The following AUTS2 variants were observed in gnomAD, a reference collection of about 807,000 sequenced individuals.
AUTS2 encodes autism susceptibility gene 2 protein.
AUTS2 carries 17 observed loss-of-function variants against 112.4 expected under a neutral mutation model. The ratio of observed to expected loss-of-function variants is 0.15; its 90% CI spans 0.10 to 0.23. The LOEUF (loss-of-function observed/expected upper bound fraction) is 0.23, where lower values mean the gene tolerates loss of function less well. Among genes scored for constraint, AUTS2 ranks in the 10% least tolerant of loss-of-function variants. The probability of loss-of-function intolerance (pLI) is 1.00; values close to 1 mark genes in which losing one functional copy is unlikely to be tolerated. For missense variants in AUTS2, 1,510 were observed against 1,701.6 expected, an observed-to-expected ratio of 0.89 and a Z score of 1.98; for synonymous variants, 751 against 702.7, an observed-to-expected ratio of 1.07 and a Z score of -1.09.
At chr7:69,627,336 A>G (rs1023624661) in intron 1 of AUTS2, among the ~76,000 whole-genome samples, 5 of 152,124 alleles carry the variant, frequency 3.3e-5, no homozygotes, top group African/African-American at 9.7e-5. Flanking sequence ...TATTAAAAAT[A>G]CAAAATTAGC....
At chr7:69,769,310 A>G (rs902892903) in intron 1 of AUTS2, among the ~76,000 whole-genome samples, 1 of 152,152 alleles carries the variant, frequency 6.6e-6, no homozygotes, top group Admixed American at 6.5e-5. Context: ...TTTAGTGAAT[A>G]TTTCTTAGTG....
chr7:70,247,442 G>A (rs981565017), intron 4 of AUTS2, among the ~76,000 whole-genome samples: 3 of 152,116 alleles, frequency 2.0e-5, no homozygotes, highest in Admixed American at 1.3e-4. Flanking sequence ...GAGCTGGATG[G>A]TGGTGATAAT....
intron 5 of AUTS2, among the ~76,000 whole-genome samples, chr7:70,671,286 A>G (rs1157167880): frequency 6.6e-6 from 1 of 152,240 alleles, no homozygotes; most frequent in Non-Finnish European, 1.5e-5. Flanking sequence ...CTGGGTATTC[A>G]GTGGGCAGCC....
rs759800544 is a variant in AUTS2, at chr7:70,762,874, G to A, written c.747G>A (p.Pro249=). Residue 249 remains proline, a synonymous_variant, in exon 7 of 19, where the codon CCG becomes CCA. Coordinates refer to ENST00000342771, the MANE Select transcript of AUTS2 (RefSeq NM_015570.4). ...TCTTTGCTCTCTCCCATGCAGATCC[G>A]GAGTTAGGTGTTGGCACGCTACCAG... The part of the protein sequence containing the change: ...LFNTVIVNKD[P]ELGVGTLPEH... 4.2e-5 allele frequency: 68 copies of A among 1,610,716 alleles called. No homozygotes were observed. The highest frequency in any genetic ancestry group is 5.0e-5 in the Non-Finnish European group (59 of 1,177,282).
chr7:70,408,512 C>T (rs1205153743), intron 4 of AUTS2, among the ~76,000 whole-genome samples: 2 of 152,156 alleles, frequency 1.3e-5, no homozygotes, highest in Admixed American at 1.3e-4. Flanking sequence ...AGGAAAGGGT[C>T]CACTTAACCC....
intron 4 of AUTS2, among the ~76,000 whole-genome samples, chr7:70,316,227 C>A (rs925254107): frequency 3.3e-5 from 5 of 152,082 alleles, no homozygotes; most frequent in African/African-American, 1.2e-4. Flanking sequence ...ATAACTTGAT[C>A]TTCATTTCTC....
chr7:69,967,226 G>A (rs1464677930), intron 2 of AUTS2, among the ~76,000 whole-genome samples: 1 of 152,172 alleles, frequency 6.6e-6, no homozygotes, highest in Admixed American at 6.5e-5. Context: ...GTTTGGCCAG[G>A]TGTTAATCTG....
chr7:70,542,775 G>A (rs563342635), intron 5 of AUTS2, among the ~76,000 whole-genome samples: 1 of 152,306 alleles, frequency 6.6e-6, no homozygotes, highest in South Asian at 2.1e-4. Flanking sequence ...CTGAGTAGCT[G>A]AGCCAGGTGT....
At chr7:70,579,244 T>TAAAAAAAAAAAAAAGAAAAAAAA (rs1802319026) in intron 5 of AUTS2, among the ~76,000 whole-genome samples, 1 of 55,868 alleles carries the variant, frequency 1.8e-5, no homozygotes, top group African/African-American at 6.9e-5. Context: ...TTCTCTTTTC[T>TAAAAAAAAAAAAAAGAAAAAAAA]AAAAAAAAAA....
chr7:69,790,161 C>T (rs759240908), intron 1 of AUTS2, among the ~76,000 whole-genome samples: 5 of 152,010 alleles, frequency 3.3e-5, no homozygotes, highest in African/African-American at 7.2e-5. Context: ...TGTGGTGGCA[C>T]GTGCCTGTAG....
intron 5 of AUTS2, among the ~76,000 whole-genome samples, chr7:70,536,189 G>A (rs1017241107): frequency 8.6e-5 from 13 of 151,890 alleles, no homozygotes; most frequent in Non-Finnish European, 1.3e-4. Context: ...AATTAGCCAG[G>A]TAGGCACAAG....
At chr7:70,762,687 C>CATTG (rs1789641878) in intron 6 of AUTS2, among the ~76,000 whole-genome samples, 183 bp from the exon 7 acceptor site, 1 of 152,164 alleles carries the variant, frequency 6.6e-6, no homozygotes, top group African/African-American at 2.4e-5. Context: ...CTCTGTCCAC[C>CATTG]ATTGACCCCA....
intron 4 of AUTS2, among the ~76,000 whole-genome samples, chr7:70,203,994 G>T (rs906049937): frequency 6.8e-6 from 1 of 147,474 alleles, no homozygotes; most frequent in Non-Finnish European, 1.5e-5. Flanking sequence ...CTGTATAAAT[G>T]TTAGTTGTTT....
chr7:70,415,721 A>G (rs1279183990), intron 4 of AUTS2, among the ~76,000 whole-genome samples: 1 of 152,150 alleles, frequency 6.6e-6, no homozygotes, highest in Non-Finnish European at 1.5e-5. Context: ...GTGGAGAGAC[A>G]TCTATATTGT....
chr7:70,577,476 T>A (rs902495681), intron 5 of AUTS2, among the ~76,000 whole-genome samples: 1 of 152,232 alleles, frequency 6.6e-6, no homozygotes, highest in African/African-American at 2.4e-5. Context: ...AAATCCTTTA[T>A]CCTTTTGGTC....
intron 1 of AUTS2, among the ~76,000 whole-genome samples, chr7:69,777,039 A>T (rs116634979): frequency 0.022 from 3,292 of 152,200 alleles, 115 homozygotes; most frequent in African/African-American, 0.072. Context: ...TCTTTCCCTA[A>T]CCCACTACCT....
intron 5 of AUTS2, among the ~76,000 whole-genome samples, chr7:70,643,169 A>G (rs555738216): frequency 1.3e-5 from 2 of 152,332 alleles, no homozygotes; most frequent in Non-Finnish European, 2.9e-5. Context: ...TTTGCATGAC[A>G]ATGATACTGG....
intron 5 of AUTS2, among the ~76,000 whole-genome samples, chr7:70,563,417 C>T (rs886689370): frequency 2.4e-4 from 37 of 152,128 alleles, no homozygotes; most frequent in African/African-American, 8.9e-4. Context: ...TTACATGTGC[C>T]ATTTCCCTGT....
chr7:69,797,460 C>T (rs539590994), intron 1 of AUTS2, among the ~76,000 whole-genome samples: 3 of 152,300 alleles, frequency 2.0e-5, no homozygotes, highest in East Asian at 3.9e-4. Context: ...TTCACAGGTA[C>T]GTGAAGCTCT....
Sources: allele counts gnomAD v4.1 joint callset (sites outside exome capture counted in the v4.1 genomes callset), GRCh38; gene constraint gnomAD v4.1.1; transcripts MANE v1.5; gene names NCBI Gene and HGNC (gene_info 2026-07-23, HGNC 2026-07-21).